Variants in RASGRF2 observed in about 807,000 individuals in gnomAD.
RASGRF2 encodes ras-specific guanine nucleotide-releasing factor 2.
A neutral mutation model predicts 151.0 loss-of-function variants in RASGRF2; 76 were observed. The ratio of observed to expected loss-of-function variants is 0.50; its 90% CI spans 0.42 to 0.61. The LOEUF (loss-of-function observed/expected upper bound fraction) is 0.61. Among genes scored for constraint, RASGRF2 ranks in the 20% least tolerant of loss-of-function variants. RASGRF2 has a pLI of 0.00. For synonymous variants in RASGRF2, 504 were observed against 566.5 expected, an observed-to-expected ratio of 0.89 and a Z score of 1.57; for missense variants, 1,148 against 1,564.6, an observed-to-expected ratio of 0.73 and a Z score of 4.49.
intron 1 of RASGRF2, among the ~76,000 whole-genome samples, chr5:81,017,416 G>A (rs1381486801): frequency 6.6e-6 from 1 of 152,180 alleles, no homozygotes; most frequent in Non-Finnish European, 1.5e-5. Flanking sequence ...ACCACACTTG[G>A]CCTGCTCAAT....
At position 81,068,194 on chromosome 5, in the gene RASGRF2, A is replaced by G. The variant is rs1017207591; in HGVS notation, c.543+15A>G. 5 of 1,604,502 alleles carry G rather than the reference A, an allele frequency of 3.1e-6. No individual in the cohort carries two copies. Among genetic ancestry groups the G allele is most frequent in the African/African-American group, 2.7e-5 (2 of 74,682 alleles). The stretch of plus-strand genomic sequence containing the variant: ...TTAAATCAGAGGTATTTCCCAGTCA[A>G]TAGATTCCTTCTCATTGTTTCACGT... On this transcript the variant is annotated intron_variant, in intron 3 of 26. Coordinates refer to ENST00000265080, the MANE Select transcript of RASGRF2 (RefSeq NM_006909.3).
At chr5:81,113,144 C>CTT (rs11421444) in intron 14 of RASGRF2, among the ~76,000 whole-genome samples, 6 of 146,696 alleles carry the variant, frequency 4.1e-5, no homozygotes, top group African/African-American at 1.5e-4. Context: ...TTCTTTCTTT[C>CTT]TTTTTTTTTT....
intron 2 of RASGRF2, among the ~76,000 whole-genome samples, chr5:81,057,159 T>G (rs566387439): frequency 6.6e-6 from 1 of 152,336 alleles, no homozygotes; most frequent in East Asian, 1.9e-4. Flanking sequence ...ATGTGTGAAT[T>G]TGATCCTGTC....
At position 81,168,307 on chromosome 5, in the gene RASGRF2, C is replaced by CTT. The variant is rs768375572; in HGVS notation, c.2687-11867_2687-11866insTT. On this transcript the variant is annotated intron_variant, in intron 17 of 26. Coordinates refer to ENST00000265080, the MANE Select transcript of RASGRF2 (RefSeq NM_006909.3). Reference sequence around the variant, plus strand: ...GCATGCCAGCGTCTTTTTTTTTCTTCTCTTTTTTTTTTTTTTTTTTTAAGA... The same window carrying CTT: ...GCATGCCAGCGTCTTTTTTTTTCTTCTTTCTTTTTTTTTTTTTTTTTTTAAGA... 1.9e-4 allele frequency among the ~76,000 whole-genome samples: 15 copies of CTT among 80,970 alleles called. No homozygotes were observed. The South Asian group carries it at 4.8e-3, about 26-fold the overall frequency. The allele number at this position is 80,970 out of a possible 152,430, so 53.1% of individuals were successfully genotyped here.
chr5:81,149,336 A>G (rs910501136), intron 17 of RASGRF2, among the ~76,000 whole-genome samples: 1 of 152,228 alleles, frequency 6.6e-6, no homozygotes, highest in Non-Finnish European at 1.5e-5. Context: ...AGTAACTTGG[A>G]TGGAGTTGGA....
intron 1 of RASGRF2, among the ~76,000 whole-genome samples, chr5:80,987,493 G>C (rs1012701760): frequency 1.1e-4 from 17 of 152,160 alleles, no homozygotes; most frequent in African/African-American, 4.1e-4. Context: ...TTCATGAAAA[G>C]ACAATTTTTG....
At chr5:81,084,710 T>G (rs1752179672) in intron 7 of RASGRF2, among the ~76,000 whole-genome samples, 1 of 152,222 alleles carries the variant, frequency 6.6e-6, no homozygotes. Context: ...GTAGGGCCAC[T>G]GACCCTTCAG....
intron 18 of RASGRF2, among the ~76,000 whole-genome samples, chr5:81,191,772 T>C (rs1755157470): frequency 6.6e-6 from 1 of 152,148 alleles, no homozygotes; most frequent in African/African-American, 2.4e-5. Context: ...ATTCCGGGGT[T>C]GTGGGGCAGT....
At chr5:81,070,202 CG>C in intron 3 of RASGRF2, 1 of 347,818 alleles carries the variant, frequency 2.9e-6, no homozygotes, top group South Asian at 2.8e-5. Flanking sequence ...AAGGTCTTGG[CG>C]GGCTCACCAC....
At chr5:81,002,498 T>G (rs1299687869) in intron 1 of RASGRF2, among the ~76,000 whole-genome samples, 1 of 152,220 alleles carries the variant, frequency 6.6e-6, no homozygotes, top group Non-Finnish European at 1.5e-5. Context: ...TGTCCATTTT[T>G]AATATTTTCT....
rs1752252611 is a variant in RASGRF2, at chr5:81,087,034, T to C, written c.1390+81T>C. On this transcript the variant is annotated intron_variant, in intron 9 of 26. Transcript: ENST00000265080. ...TCTCGGCACACCCCGGAAGGCGTTC[T>C]GAACAGGCGTGACGGGTGCGGTGCC... is the stretch of plus-strand genomic sequence containing the variant. The C allele has an allele frequency of 3.9e-6, 5 of 1,292,610 alleles. No individual in the cohort carries two copies. The South Asian group carries it at 6.1e-5, about 16-fold the overall frequency. 80.1% of individuals were successfully genotyped at this position (1,292,610 alleles called of 1,614,324 possible). A position where few individuals can be genotyped will look rare whatever the true frequency, so the allele number is the denominator to read the frequency against.
intron 17 of RASGRF2, among the ~76,000 whole-genome samples, chr5:81,174,943 G>A (rs529812089): frequency 3.0e-4 from 46 of 152,176 alleles, no homozygotes; most frequent in Non-Finnish European, 6.0e-4. Context: ...GCCAAATAGC[G>A]TCTTCTCTCA....
At chr5:81,132,294 G>A (rs888970129) in intron 17 of RASGRF2, among the ~76,000 whole-genome samples, 1 of 152,052 alleles carries the variant, frequency 6.6e-6, no homozygotes, top group African/African-American at 2.4e-5. Context: ...CTTGCAATAG[G>A]GAATATTCAG....
chr5:81,192,300 T>C (rs1755168646), intron 18 of RASGRF2, among the ~76,000 whole-genome samples: 1 of 152,238 alleles, frequency 6.6e-6, no homozygotes. Context: ...TAATGACTAG[T>C]AAGTATTGAA....
intron 1 of RASGRF2, among the ~76,000 whole-genome samples, chr5:81,023,632 T>C (rs1055537859): frequency 6.6e-6 from 1 of 152,262 alleles, no homozygotes; most frequent in African/African-American, 2.4e-5. Flanking sequence ...ATTGTAACTC[T>C]TTCCATCATT....
intron 1 of RASGRF2, among the ~76,000 whole-genome samples, chr5:81,014,689 T>C (rs1749573663): frequency 6.6e-6 from 1 of 152,162 alleles, no homozygotes; most frequent in Non-Finnish European, 1.5e-5. Context: ...CTTATTAAAA[T>C]AAGGAATGTT....
At chr5:81,183,966 C>T (rs1184449953) in intron 18 of RASGRF2, among the ~76,000 whole-genome samples, 1 of 152,244 alleles carries the variant, frequency 6.6e-6, no homozygotes, top group African/African-American at 2.4e-5. Context: ...CTACAACCAG[C>T]CTGTAAGCTC....
chr5:81,215,378 C>T (rs1231715695), intron 23 of RASGRF2, among the ~76,000 whole-genome samples: 1 of 147,604 alleles, frequency 6.8e-6, no homozygotes, highest in Non-Finnish European at 1.5e-5. Flanking sequence ...TCAAGTGATT[C>T]TCCTGCCTCA....
intron 17 of RASGRF2, among the ~76,000 whole-genome samples, chr5:81,163,246 C>T (rs781355574): frequency 2.0e-5 from 3 of 152,042 alleles, no homozygotes; most frequent in Non-Finnish European, 2.9e-5. Flanking sequence ...TCTTCTGGGC[C>T]TTGATACTCC....
Sources: allele counts gnomAD v4.1 joint callset (sites outside exome capture counted in the v4.1 genomes callset), GRCh38; gene constraint gnomAD v4.1.1; transcripts MANE v1.5; gene names NCBI Gene and HGNC (gene_info 2026-07-23, HGNC 2026-07-21).